The following CTSG variants were observed in gnomAD, a reference collection of about 807,000 sequenced individuals.
CTSG encodes cathepsin G.
In CTSG, 23 loss-of-function variants were observed where a neutral mutation model predicts 23.0. That is an observed-to-expected ratio of 1.00 (90% CI 0.72 to 1.42). CTSG has a LOEUF of 1.42. Among genes scored for constraint, CTSG ranks in the 40% most tolerant of loss-of-function variants. The pLI is 0.00. For missense variants in CTSG, 312 were observed against 326.2 expected (o/e 0.96, Z 0.33); for synonymous variants, 140 against 130.4 (o/e 1.07, Z -0.50).
chr14:24,576,224 C>T lies in CTSG; in HGVS notation c.-1G>A, dbSNP rs1277839677. On this transcript the variant is annotated 5_prime_UTR_variant, in exon 1 of 5. Transcript: ENST00000216336. ...CCAGCAGAAGCAGGAGTGGCTGCAT[C>T]TTTCCTGAAAGGCTGCCCAGTCAGT... The T allele has an allele frequency of 6.2e-7, 1 of 1,606,346 alleles. No homozygotes were observed. The highest frequency in any genetic ancestry group is 8.5e-7 in the Non-Finnish European group (1 of 1,176,684).
chr14:24,574,461 T>TG lies in CTSG; in HGVS notation c.377dup (p.Val127SerfsTer5). On this transcript the variant is annotated frameshift_variant, in exon 4 of 5. Coordinates refer to ENST00000216336, the MANE Select transcript of CTSG (RefSeq NM_001911.3). LOFTEE classifies it high-confidence loss of function. Reference sequence around the variant, plus strand: ...CCTCCTGGGCTCTAGGCAGAGCCACTGGGTTCACGTTTCGATTCCGTCTGA... The same window carrying TG: ...CCTCCTGGGCTCTAGGCAGAGCCACTGGGGTTCACGTTTCGATTCCGTCTGA... The TG allele has an allele frequency of 3.1e-6, 5 of 1,613,960 alleles. No homozygotes were observed. Among genetic ancestry groups the TG allele is most frequent in the Non-Finnish European group, 4.2e-6 (5 of 1,180,020 alleles).
chr14:24,574,553 G>A lies in CTSG; in HGVS notation c.340-54C>T, dbSNP rs1594806986. On this transcript the variant is annotated intron_variant, in intron 3 of 4. Coordinates refer to ENST00000216336, the MANE Select transcript of CTSG (RefSeq NM_001911.3). ...CAGCTGGGGCCTCCAGCCAAGGCTC[G>A]GGGGTCGCTGGTGCAGTACACATCC... 35 of 1,611,196 alleles carry A rather than the reference G, an allele frequency of 2.2e-5. 1 individual carries two copies. In the East Asian group the frequency reaches 7.8e-4, roughly 36 times the overall value.
In CTSG at chr14:24,574,676, T is replaced by C. The variant is rs2066732565; in HGVS notation, c.338A>G (p.Gln113Arg). The C allele has an allele frequency of 6.2e-7, 1 of 1,614,216 alleles. No individual in the cohort carries two copies. Among genetic ancestry groups the C allele is most frequent in the Non-Finnish European group, 8.5e-7 (1 of 1,180,034 alleles). The part of the protein sequence containing the change: ...RTIQNDIMLL[Q>R]LSRRVRRNRN... ...GCCAGAGGGCCAGGTAGGTGGTACC[T>C]GCAATAACATGATGTCATTCTGGAT... is the stretch of plus-strand genomic sequence containing the variant. The change falls in exon 3 of 5, where the codon CAG (glutamine) becomes CGG (arginine). Residue 113 changes from glutamine (Q) to arginine (R), a missense_variant and splice_region_variant. Physicochemically the swap from Gln to Arg is conservative, Grantham distance 43. Transcript: ENST00000216336.
intron 2 of CTSG, 113 bp from the exon 3 acceptor site, chr14:24,574,923 G>A: frequency 7.2e-7 from 1 of 1,385,984 alleles, no homozygotes; most frequent in Non-Finnish European, 1.0e-6. Context: ...TCGAGGGGAT[G>A]GGAGGGCCCT....
At position 24,574,989 on chromosome 14, in the gene CTSG, T is replaced by C. The variant is rs1456424400; in HGVS notation, c.204-179A>G. The C allele has an allele frequency of 4.9e-6, 4 of 812,018 alleles. No individual in the cohort carries two copies. The South Asian group carries it at 5.2e-5, about 11-fold the overall frequency. The allele number at this position is 812,018 out of a possible 1,614,324, so 50.3% of individuals were successfully genotyped here. ...CTCTGAGCTAGGGATGACAGGGTGG[T>C]ACTTGCCTTCAGGTTTGCTTCCCCA... On this transcript the variant is annotated intron_variant, in intron 2 of 4. Coordinates refer to ENST00000216336, the MANE Select transcript of CTSG (RefSeq NM_001911.3).
In CTSG at chr14:24,574,157, A is replaced by G; in HGVS notation, c.594+88T>C. On this transcript the variant is annotated intron_variant, in intron 4 of 4. Coordinates refer to ENST00000216336, the MANE Select transcript of CTSG (RefSeq NM_001911.3). ...CCACCCTGGTCTGGCTGCCAGGCTG[A>G]GGCTGTGGGGATGGAATCTGTTCGC... 3.3e-6 allele frequency: 5 copies of G among 1,517,262 alleles called. No homozygotes were observed. The South Asian group carries it at 4.9e-5, about 15-fold the overall frequency. The allele number at this position is 1,517,262 out of a possible 1,614,324, so 94.0% of individuals were successfully genotyped here. A position where few individuals can be genotyped will look rare whatever the true frequency, so the allele number is the denominator to read the frequency against.
intron 4 of CTSG, 125 bp from the exon 5 acceptor site, chr14:24,573,935 A>C: frequency 1.1e-6 from 1 of 886,792 alleles, no homozygotes; most frequent in Non-Finnish European, 1.7e-6. Context: ...TGTGAGATGG[A>C]AGATCGGTGG....
chr14:24,576,091 T>G, intron 1 of CTSG, 78 bp downstream of exon 1: 1 of 1,206,558 alleles, frequency 8.3e-7, no homozygotes, highest in Non-Finnish European at 1.2e-6. Context: ...CAGTACAGAA[T>G]TAGGATATAC....
Position 24,575,373 on chromosome 14 carries a change from C to A in CTSG, c.95G>T (p.Arg32Leu). 1.2e-6 allele frequency: 2 copies of A among 1,614,124 alleles called. No homozygotes were observed. The highest frequency in any genetic ancestry group is 1.1e-5 in the South Asian group (1 of 91,086). The change falls in exon 2 of 5, where the codon CGC (arginine) becomes CTC (leucine). Residue 32 changes from arginine to leucine, a missense_variant. Transcript: ENST00000216336. ...GATCTGAAGATACGCCATGTAGGGG[C>A]GGGAGTGGGGCCTGCTCTCCCGGCC... is the stretch of plus-strand genomic sequence containing the variant. ...IGGRESRPHS[R>L]PYMAYLQIQS...
rs2138451314 is a variant in CTSG, at chr14:24,575,129, G to C, written c.203+136C>G. ...CTTTCCTCCTCATTTACACTGGCCT[G>C]TTCCCTCCCGCAAAGACTCACTTGG... On this transcript the variant is annotated intron_variant, in intron 2 of 4. Coordinates refer to ENST00000216336, the MANE Select transcript of CTSG (RefSeq NM_001911.3). 5.1e-6 allele frequency: 5 copies of C among 978,526 alleles called. No individual in the cohort carries two copies. The South Asian group carries it at 7.7e-5, about 15-fold the overall frequency. 60.6% of individuals were successfully genotyped at this position (978,526 alleles called of 1,614,324 possible). A position where few individuals can be genotyped will look rare whatever the true frequency, so the allele number is the denominator to read the frequency against.
rs2066735380 is a variant in CTSG, at chr14:24,575,128, T to A, written c.203+137A>T. ...CCTTTCCTCCTCATTTACACTGGCC[T>A]GTTCCCTCCCGCAAAGACTCACTTG... is the stretch of plus-strand genomic sequence containing the variant. On this transcript the variant is annotated intron_variant, in intron 2 of 4. Transcript: ENST00000216336. 9.3e-6 allele frequency: 9 copies of A among 963,482 alleles called. No homozygotes were observed. The South Asian group carries it at 1.4e-4, about 15-fold the overall frequency. 59.7% of individuals were successfully genotyped at this position (963,482 alleles called of 1,614,324 possible). A position where few individuals can be genotyped will look rare whatever the true frequency, so the allele number is the denominator to read the frequency against.
intron 4 of CTSG, 44 bp downstream of exon 4, chr14:24,574,201 G>T: frequency 6.3e-7 from 1 of 1,596,246 alleles, no homozygotes; most frequent in Non-Finnish European, 8.5e-7. Flanking sequence ...GCTCTGCACG[G>T]GCCCCTCTCT....
In CTSG at chr14:24,574,718, T is replaced by C. The variant is rs2066732902; in HGVS notation, c.296A>G (p.Gln99Arg). ...ITARRAIRHP[Q>R]YNQRTIQNDI... ...ATTCTGGATGGTCCGCTGATTATAT[T>C]GAGGGTGGCGGATGGCTCTGCGCGC... The change falls in exon 3 of 5, where the codon CAA (glutamine) becomes CGA (arginine). Residue 99 changes from glutamine to arginine, a missense_variant. Coordinates refer to ENST00000216336, the MANE Select transcript of CTSG (RefSeq NM_001911.3). The C allele has an allele frequency of 3.7e-6, 6 of 1,614,156 alleles. No individual in the cohort carries two copies. The highest frequency in any genetic ancestry group is 5.1e-6 in the Non-Finnish European group (6 of 1,180,022).
In CTSG at chr14:24,574,237, T is replaced by C. The variant is rs776723505; in HGVS notation, c.594+8A>G. On this transcript the variant is annotated splice_region_variant and intron_variant, in intron 4 of 4. Transcript: ENST00000216336. ...CCCGGGGTGTGTTGGCCAATGCCCA[T>C]GCCTTACCTTGAAGGCAGCCTTCCG... The C allele has an allele frequency of 8.8e-6, 14 of 1,599,340 alleles. No individual in the cohort carries two copies. Among genetic ancestry groups the C allele is most frequent in the Non-Finnish European group, 1.2e-5 (14 of 1,179,826 alleles).
At chr14:24,574,598 C>T in intron 3 of CTSG, 77 bp downstream of exon 3, 4 of 1,611,750 alleles carry the variant, frequency 2.5e-6, no homozygotes, top group East Asian at 2.2e-5. Flanking sequence ...CCCGCCACCC[C>T]GGAGCCTTGC....
chr14:24,574,113 G>T, intron 4 of CTSG, 132 bp downstream of exon 4: 1 of 1,171,770 alleles, frequency 8.5e-7, no homozygotes, highest in Non-Finnish European at 1.2e-6. Flanking sequence ...CCAGGTTGAT[G>T]GGGAAAACAA....
intron 1 of CTSG, 24 bp downstream of exon 1, chr14:24,576,145 C>A (rs2066740671): frequency 6.2e-7 from 1 of 1,603,618 alleles, no homozygotes. Context: ...GGTCAGGCCT[C>A]TGAGGGTGGG....
At position 24,574,282 on chromosome 14, in the gene CTSG, C is replaced by A; in HGVS notation, c.557G>T (p.Cys186Phe). 1 of 1,600,422 alleles carries A rather than the reference C, an allele frequency of 6.2e-7. No individual in the cohort carries two copies. The change falls in exon 4 of 5, where the codon TGT becomes TTT. Residue 186 changes from cysteine (C) to phenylalanine (F), a missense_variant. Coordinates refer to ENST00000216336, the MANE Select transcript of CTSG (RefSeq NM_001911.3). Reference sequence around the variant, plus strand: ...CTTCCGTTCCCGCCGGTCCCCCACACAAATCTGCCTTCGGGGGTCGTAGGA... The same window carrying A: ...CTTCCGTTCCCGCCGGTCCCCCACAAAAATCTGCCTTCGGGGGTCGTAGGA... ...FGSYDPRRQICVGDRRERKAA... is the reference protein window; with the variant it reads ...FGSYDPRRQIFVGDRRERKAA...
At position 24,574,469 on chromosome 14, in the gene CTSG, C is replaced by A; in HGVS notation, c.370G>T (p.Val124Leu). The change falls in exon 4 of 5, where the codon GTG becomes TTG. Residue 124 changes from valine to leucine, a missense_variant. Coordinates refer to ENST00000216336, the MANE Select transcript of CTSG (RefSeq NM_001911.3). ...GCTCTAGGCAGAGCCACTGGGTTCACGTTTCGATTCCGTCTGACTCTTCTG... is the reference window on the plus strand; with the variant it reads ...GCTCTAGGCAGAGCCACTGGGTTCAAGTTTCGATTCCGTCTGACTCTTCTG... ...LSRRVRRNRN[V>L]NPVALPRAQE... is the part of the protein sequence containing the mutation. 1.2e-6 allele frequency: 2 copies of A among 1,614,012 alleles called. No homozygotes were observed. The highest frequency in any genetic ancestry group is 8.5e-7 in the Non-Finnish European group (1 of 1,180,024).
Sources: allele counts gnomAD v4.1 joint callset, GRCh38; gene constraint gnomAD v4.1.1; transcripts MANE v1.5; gene names NCBI Gene and HGNC (gene_info 2026-07-23, HGNC 2026-07-21).